The following USH2A variants were observed in gnomAD, a reference collection of about 807,000 sequenced individuals.
The protein encoded by USH2A is Usher syndrome 2A (autosomal recessive, mild).
In USH2A, 443 loss-of-function variants were observed where a neutral mutation model predicts 538.9. That is an observed-to-expected ratio of 0.82 (90% CI 0.76 to 0.89). USH2A has a LOEUF of 0.89. Ranked by LOEUF, USH2A falls within the 40% of genes least tolerant of loss-of-function variation. The pLI is 0.00. For synonymous variants in USH2A, 2,413 were observed against 2,273.5 expected (o/e 1.06, Z -1.75); for missense variants, 6,633 against 6,324.8 (o/e 1.05, Z -1.65).
At chr1:216,327,294 T>C (rs111320651) in intron 5 of USH2A, among the ~76,000 whole-genome samples, 1 of 152,272 alleles carries the variant, frequency 6.6e-6, no homozygotes, top group African/African-American at 2.4e-5. Flanking sequence ...CTACCTCATA[T>C]AGAAAATTTA....
intron 63 of USH2A, 96 bp downstream of exon 63, chr1:215,674,004 C>G: frequency 6.2e-7 from 1 of 1,609,066 alleles, no homozygotes. Flanking sequence ...ACCTTGCATC[C>G]CATTTTTAGA....
chr1:216,392,794 T>C (rs2039134096), intron 3 of USH2A, among the ~76,000 whole-genome samples: 1 of 152,172 alleles, frequency 6.6e-6, no homozygotes, highest in Non-Finnish European at 1.5e-5. Context: ...AAGGAATTGG[T>C]TGGGTCTGTC....
intron 43 of USH2A, among the ~76,000 whole-genome samples, chr1:215,871,095 T>C (rs1664614519): frequency 6.6e-6 from 1 of 152,144 alleles, no homozygotes; most frequent in Non-Finnish European, 1.5e-5. Context: ...TGTTTTTGGG[T>C]CCATTTAGGA....
At chr1:216,008,830 A>C (rs182393042) in intron 32 of USH2A, among the ~76,000 whole-genome samples, 6 of 152,202 alleles carry the variant, frequency 3.9e-5, no homozygotes, top group Admixed American at 3.9e-4. Context: ...AAGACAAAGG[A>C]GACATGTTTC....
chr1:216,138,253 C>T (rs1323506999), intron 21 of USH2A, among the ~76,000 whole-genome samples: 1 of 152,180 alleles, frequency 6.6e-6, no homozygotes, highest in Non-Finnish European at 1.5e-5. Context: ...TAACAAATTG[C>T]TGTTCAAGTA....
intron 64 of USH2A, 64 bp from the exon 65 acceptor site, chr1:215,650,865 A>AG (rs1382178984): frequency 6.3e-7 from 1 of 1,578,724 alleles, no homozygotes; most frequent in African/African-American, 1.4e-5. Context: ...AAAAAAAAAA[A>AG]AAAAGAAAGG....
At position 215,649,527 on chromosome 1, in the gene USH2A, C is replaced by T. The variant is rs571363562; in HGVS notation, c.14344-761G>A. The stretch of plus-strand genomic sequence containing the variant: ...AATATAAATTATTTTAGTTTATTAT[C>T]ATTTTATAAGCATGGATAATCAAGG... On this transcript the variant is annotated intron_variant, in intron 65 of 71. Transcript: ENST00000307340. Among the ~76,000 whole-genome samples the T allele has an allele frequency of 2.3e-4, 35 of 152,280 alleles. No individual in the cohort carries two copies. The South Asian group carries it at 6.6e-3, about 29-fold the overall frequency.
At chr1:216,177,386 A>G (rs2034409560) in intron 20 of USH2A, among the ~76,000 whole-genome samples, 1 of 152,240 alleles carries the variant, frequency 6.6e-6, no homozygotes, top group South Asian at 2.1e-4. Context: ...TTTATACGCT[A>G]TTTTCTATTT....
At chr1:216,212,129 C>A (rs1271901994) in intron 15 of USH2A, among the ~76,000 whole-genome samples, 1 of 152,098 alleles carries the variant, frequency 6.6e-6, no homozygotes, top group Admixed American at 6.5e-5. Flanking sequence ...ACTCCCATGT[C>A]AAAGGGTGTA....
At chr1:216,225,614 T>G (rs1572067043) in intron 14 of USH2A, among the ~76,000 whole-genome samples, 1 of 152,198 alleles carries the variant, frequency 6.6e-6, no homozygotes, top group Non-Finnish European at 1.5e-5. Context: ...CATAGCACTT[T>G]CCAGCAGTAG....
chr1:216,175,070 T>G, intron 21 of USH2A, 182 bp downstream of exon 21: 1 of 1,434,610 alleles, frequency 7.0e-7, no homozygotes, highest in South Asian at 1.5e-5. Context: ...CTTACCTGAC[T>G]TTTTTCCCCA....
chr1:216,021,459 C>A (rs1668842983), intron 32 of USH2A, among the ~76,000 whole-genome samples: 1 of 152,152 alleles, frequency 6.6e-6, no homozygotes, highest in Non-Finnish European at 1.5e-5. Flanking sequence ...GAGGCCTCCA[C>A]AGCCATGTGG....
At chr1:216,040,427 A>G (rs527812301) in intron 32 of USH2A, among the ~76,000 whole-genome samples, 121 of 152,140 alleles carry the variant, frequency 8.0e-4, no homozygotes, top group African/African-American at 2.8e-3. Flanking sequence ...CAACTCGCAT[A>G]AACCTCCTTG....
chr1:215,948,433 T>TAC (rs1434238188), intron 37 of USH2A, among the ~76,000 whole-genome samples: 7 of 145,582 alleles, frequency 4.8e-5, no homozygotes, highest in African/African-American at 1.8e-4. Flanking sequence ...CAGATATATA[T>TAC]ATATATATAT....
At chr1:215,966,108 C>T (rs76061791) in intron 36 of USH2A, among the ~76,000 whole-genome samples, 331 of 151,850 alleles carry the variant, frequency 2.2e-3, no homozygotes, top group African/African-American at 7.2e-3. Flanking sequence ...GGCACAATCA[C>T]AAAAAAATAT....
intron 3 of USH2A, among the ~76,000 whole-genome samples, chr1:216,400,184 AAATG>A (rs1453449364): frequency 6.7e-6 from 1 of 150,170 alleles, no homozygotes; most frequent in East Asian, 2.0e-4. Flanking sequence ...GCAAGAAAAA[AAATG>A]AGAGAAACCC....
rs753911727 is a variant in USH2A, at chr1:216,175,354, G to A, written c.4525C>T (p.Leu1509=). The part of the protein sequence containing the change: ...IYQLERRESS[L]PALMTTMMKG... ...ATCATCGTGGTCATCAGAGCTGGTA[G>A]AGATGACTCTCTCCTTTCCAGCTGA... Residue 1509 remains leucine (L), a synonymous_variant, in exon 21 of 72, where the codon CTA becomes TTA. Transcript: ENST00000307340. 14 of 1,613,720 alleles carry A rather than the reference G, an allele frequency of 8.7e-6. No individual in the cohort carries two copies. The highest frequency in any genetic ancestry group is 1.3e-5 in the African/African-American group (1 of 74,914).
At chr1:216,106,666 C>A (rs992303984) in intron 21 of USH2A, among the ~76,000 whole-genome samples, 3 of 151,150 alleles carry the variant, frequency 2.0e-5, no homozygotes, top group African/African-American at 7.3e-5. Context: ...TCATTGATAT[C>A]CAATTCTGCC....
intron 61 of USH2A, among the ~76,000 whole-genome samples, chr1:215,682,033 T>C (rs1318818182): frequency 7.2e-5 from 11 of 152,194 alleles, no homozygotes; most frequent in Admixed American, 6.6e-4. Flanking sequence ...TAGATAAATA[T>C]AGCACAGAAC....
Sources: gnomAD v4.1 joint callset for allele counts (sites outside exome capture counted in the v4.1 genomes callset) on GRCh38, gnomAD v4.1.1 for gene constraint, MANE v1.5 for transcripts, NCBI Gene and HGNC (gene_info 2026-07-23, HGNC 2026-07-21) for gene names.